Variants in TBX19 observed in about 807,000 individuals in gnomAD.
TBX19 encodes the protein T-box transcription factor TBX19.
In TBX19, 33 loss-of-function variants were observed where a neutral mutation model predicts 40.9. The observed-to-expected ratio is 0.81, with a 90% CI of 0.61 to 1.08. The LOEUF (loss-of-function observed/expected upper bound fraction) is 1.08. Among genes scored for constraint, TBX19 ranks in the 50% least tolerant of loss-of-function variants. TBX19 has a pLI of 0.00. For synonymous variants in TBX19, 220 were observed against 225.0 expected, an observed-to-expected ratio of 0.98 and a Z score of 0.20; for missense variants, 494 against 574.0, an observed-to-expected ratio of 0.86 and a Z score of 1.42.
chr1:168,305,224 G>T (rs767823419), intron 6 of TBX19, 28 bp downstream of exon 6: 15 of 1,604,986 alleles, frequency 9.3e-6, no homozygotes, highest in Non-Finnish European at 1.3e-5. Context: ...TTAAACCCTT[G>T]GGGTATGGGC....
intron 2 of TBX19, 104 bp from the exon 3 acceptor site, chr1:168,293,040 G>A (rs1473456445): frequency 7.6e-6 from 12 of 1,582,750 alleles, no homozygotes; most frequent in Middle Eastern, 1.7e-4. Flanking sequence ...GTCCCTAACC[G>A]GGGTGGTGCT....
intron 3 of TBX19, among the ~76,000 whole-genome samples, chr1:168,297,341 G>T (rs1428422162): frequency 1.3e-5 from 2 of 152,204 alleles, no homozygotes; most frequent in Admixed American, 1.3e-4. Context: ...TAAATCACAT[G>T]TAGTAGGGGA....
chr1:168,313,489 T>G lies in TBX19; in HGVS notation c.*487T>G, dbSNP rs1649573286. ...ATGGGGTGTAAGCCATAGAGTAAGG[T>G]TAACAAAAAGAATAAAGCTAATCAT... On this transcript the variant is annotated 3_prime_UTR_variant, in exon 8 of 8. Transcript: ENST00000367821. 1 of 199,010 alleles carries G rather than the reference T, an allele frequency of 5.0e-6. No homozygotes were observed. Among genetic ancestry groups the G allele is most frequent in the African/African-American group, 2.4e-5 (1 of 42,428 alleles). 12.3% of individuals were successfully genotyped at this position (199,010 alleles called of 1,614,324 possible). A position where few individuals can be genotyped will look rare whatever the true frequency, so the allele number is the denominator to read the frequency against.
chr1:168,305,452 G>A (rs1445227604), intron 6 of TBX19, among the ~76,000 whole-genome samples: 1 of 152,062 alleles, frequency 6.6e-6, no homozygotes, highest in Non-Finnish European at 1.5e-5. Flanking sequence ...TTTCTAATGA[G>A]CGTGAAAGGC....
intron 4 of TBX19, among the ~76,000 whole-genome samples, chr1:168,298,673 CTTCT>C (rs1215804104): frequency 2.8e-5 from 4 of 143,914 alleles, no homozygotes; most frequent in South Asian, 2.2e-4. Flanking sequence ...TCCTTCCTTC[CTTCT>C]TTTTCTTTCT....
chr1:168,301,903 G>A (rs1231017319), intron 5 of TBX19, among the ~76,000 whole-genome samples: 11 of 152,212 alleles, frequency 7.2e-5, no homozygotes, highest in Admixed American at 7.2e-4. Context: ...TGCAGGGGGT[G>A]CCCTTGACTG....
chr1:168,289,436 T>C (rs538291308), intron 1 of TBX19, among the ~76,000 whole-genome samples: 14 of 152,308 alleles, frequency 9.2e-5, no homozygotes, highest in African/African-American at 3.1e-4. Context: ...AGGAGGTGTA[T>C]CATTTTAGTT....
At chr1:168,293,088 A>G in intron 2 of TBX19, 56 bp from the exon 3 acceptor site, 5 of 1,606,796 alleles carry the variant, frequency 3.1e-6, no homozygotes, top group Non-Finnish European at 4.2e-6. Context: ...CTCCTTTATC[A>G]CCTGCGATAC....
chr1:168,291,830 A>C (rs1228338535), intron 2 of TBX19, among the ~76,000 whole-genome samples: 1 of 152,120 alleles, frequency 6.6e-6, no homozygotes, highest in Non-Finnish European at 1.5e-5. Flanking sequence ...CTTCTAAATG[A>C]AATAATTACT....
intron 1 of TBX19, among the ~76,000 whole-genome samples, chr1:168,285,913 AGT>A (rs1314859298): frequency 6.6e-6 from 1 of 152,144 alleles, no homozygotes; most frequent in Non-Finnish European, 1.5e-5. Flanking sequence ...AAGAGGGGAA[AGT>A]GGGGTGGGAG....
chr1:168,283,230 TTCTTTGTA>T (rs1324384309), intron 1 of TBX19, among the ~76,000 whole-genome samples: 1 of 152,248 alleles, frequency 6.6e-6, no homozygotes, highest in Non-Finnish European at 1.5e-5. Flanking sequence ...ATGAACAATA[TTCTTTGTA>T]GAAAAAGTCT....
chr1:168,292,735 G>T (rs958661393), intron 2 of TBX19, among the ~76,000 whole-genome samples: 8 of 151,908 alleles, frequency 5.3e-5, no homozygotes, highest in African/African-American at 1.9e-4. Flanking sequence ...GTGGTGGCGG[G>T]CGCCTGTAGT....
At chr1:168,297,696 T>G in intron 3 of TBX19, 28 bp from the exon 4 acceptor site, 2 of 1,608,708 alleles carry the variant, frequency 1.2e-6, no homozygotes, top group Non-Finnish European at 1.7e-6. Context: ...CTACTTTTAC[T>G]AACACTTCTT....
intron 4 of TBX19, among the ~76,000 whole-genome samples, chr1:168,298,451 C>T (rs982365003): frequency 7.2e-5 from 11 of 151,976 alleles, no homozygotes. Flanking sequence ...TAATAAATTG[C>T]TTTTTTAAAA....
intron 1 of TBX19, among the ~76,000 whole-genome samples, chr1:168,290,792 T>G (rs1387772872): frequency 1.3e-5 from 2 of 152,040 alleles, no homozygotes; most frequent in African/African-American, 4.8e-5. Context: ...TATTCAGAAA[T>G]AGTGTTCTTT....
At chr1:168,311,363 C>G (rs970912363) in intron 7 of TBX19, among the ~76,000 whole-genome samples, 1 of 152,178 alleles carries the variant, frequency 6.6e-6, no homozygotes, top group Non-Finnish European at 1.5e-5. Context: ...AGCAGTACCT[C>G]TCAGAGCCCA....
intron 7 of TBX19, among the ~76,000 whole-genome samples, chr1:168,310,022 C>T (rs999716830): frequency 2.6e-5 from 4 of 152,172 alleles, no homozygotes; most frequent in Admixed American, 2.0e-4. Flanking sequence ...TGAGGCTTGG[C>T]GGGGTGCGGT....
chr1:168,304,917 G>A, intron 5 of TBX19, 91 bp from the exon 6 acceptor site: 1 of 1,306,542 alleles, frequency 7.7e-7, no homozygotes, highest in South Asian at 1.2e-5. Flanking sequence ...TCATTTACAA[G>A]AATTGTAGCT....
In TBX19 at chr1:168,312,883, G is replaced by C. The variant is rs774640634; in HGVS notation, c.1228G>C (p.Glu410Gln). Residue 410 changes from glutamate to glutamine, a missense_variant, in exon 8 of 8, where the codon GAG (glutamate) becomes CAG (glutamine). Physicochemically the swap from Glu to Gln is conservative, Grantham distance 29. Around this residue, in one of 3 missense-constraint regions of TBX19, gnomAD observed 284 missense variants for 307.3 expected, o/e 0.92. Transcript: ENST00000367821. ...PTSAGVEVLGEPSLTSIAVST... is the reference protein window; with the variant it reads ...PTSAGVEVLGQPSLTSIAVST... ...TTCGGCTGGTGTGGAGGTTCTGGGG[G>C]AGCCCTCGCTAACCAGCATTGCTGT... 6.2e-7 allele frequency: 1 copy of C among 1,614,250 alleles called. No homozygotes were observed. The highest frequency in any genetic ancestry group is 8.5e-7 in the Non-Finnish European group (1 of 1,180,046).
Sources: gnomAD v4.1 joint callset for allele counts (sites outside exome capture counted in the v4.1 genomes callset) on GRCh38, gnomAD v4.1.1 for gene constraint, gnomAD v4.1.1 regional missense constraint, MANE v1.5 for transcripts, NCBI Gene and HGNC (gene_info 2026-07-23, HGNC 2026-07-21) for gene names.